The following ZSCAN23 variants were observed in gnomAD, a reference collection of about 807,000 sequenced individuals.
ZSCAN23 encodes the protein zinc finger and SCAN domain-containing protein 23.
A neutral mutation model predicts 19.3 loss-of-function variants in ZSCAN23; 19 were observed. The ratio of observed to expected loss-of-function variants is 0.99; its 90% confidence interval spans 0.69 to 1.45. ZSCAN23 has a LOEUF of 1.45. ZSCAN23 is among the 40% of genes most tolerant of loss of function. ZSCAN23 has a pLI of 0.00. For synonymous variants in ZSCAN23, 140 were observed against 166.2 expected (o/e 0.84, Z 1.21); for missense variants, 372 against 462.5 (o/e 0.80, Z 1.79).
intron 1 of ZSCAN23, among the ~76,000 whole-genome samples, chr6:28,437,674 T>C (rs1194398214): frequency 6.6e-6 from 1 of 152,208 alleles, no homozygotes; most frequent in Non-Finnish European, 1.5e-5. Context: ...AAAACAATTA[T>C]ATGACCCAGT....
Position 28,436,338 on chromosome 6 carries a change from C to T in ZSCAN23, c.-72G>A, listed in dbSNP as rs190761645. On this transcript the variant is annotated 5_prime_UTR_variant, in exon 2 of 4. Transcript: ENST00000289788. ...CCTTGATCTTTTCTTCTGGAAACCC[C>T]GAGATCTAGACAATAATTTACGAAG... 1.4e-5 allele frequency: 19 copies of T among 1,381,896 alleles called. No homozygotes were observed. The highest frequency in any genetic ancestry group is 8.7e-5 in the African/African-American group (6 of 68,666). The allele number at this position is 1,381,896 out of a possible 1,614,324, so 85.6% of individuals were successfully genotyped here. A position where few individuals can be genotyped will look rare whatever the true frequency, so the allele number is the denominator to read the frequency against.
At chr6:28,429,878 G>A (rs1761724829), downstream of ZSCAN23, among the ~76,000 whole-genome samples, 1 of 152,052 alleles carries the variant, frequency 6.6e-6, no homozygotes, top group Non-Finnish European at 1.5e-5. Flanking sequence ...TACACACACA[G>A]TCCCAGGACA....
chr6:28,437,076 G>A (rs956387394), intron 1 of ZSCAN23, among the ~76,000 whole-genome samples: 6 of 152,178 alleles, frequency 3.9e-5, no homozygotes, highest in African/African-American at 1.4e-4. Context: ...CTCCAAAGTG[G>A]TAACACTTAT....
the ZSCAN23 span, among the ~76,000 whole-genome samples, chr6:28,421,724 G>T: frequency 6.6e-6 from 1 of 152,168 alleles, no homozygotes; most frequent in Admixed American, 6.5e-5. Context: ...CCCATGCTGT[G>T]TGCAACTCTA....
At chr6:28,441,947 G>C (rs1394545789) in intron 1 of ZSCAN23, among the ~76,000 whole-genome samples, 1 of 149,514 alleles carries the variant, frequency 6.7e-6, no homozygotes, top group African/African-American at 2.5e-5. Flanking sequence ...TGCGATCTCG[G>C]CTCACTTGCA....
intron 1 of ZSCAN23, among the ~76,000 whole-genome samples, chr6:28,438,962 C>T (rs191231328): frequency 7.5e-4 from 114 of 152,308 alleles, no homozygotes; most frequent in Non-Finnish European, 9.4e-4. Context: ...AGCATCCTTC[C>T]GGATAACCTG....
intron 1 of ZSCAN23, among the ~76,000 whole-genome samples, chr6:28,441,703 T>C (rs934560004): frequency 1.3e-5 from 2 of 151,972 alleles, no homozygotes; most frequent in African/African-American, 4.8e-5. Context: ...TACCCTGAAA[T>C]AAACAGTCTT....
chr6:28,434,101 A>T lies in ZSCAN23; in HGVS notation c.*364T>A. 6.1e-6 allele frequency: 1 copy of T among 164,312 alleles called. No individual in the cohort carries two copies. The highest frequency in any genetic ancestry group is 1.3e-5 in the Non-Finnish European group (1 of 76,266). The allele number at this position is 164,312 out of a possible 1,614,324, so 10.2% of individuals were successfully genotyped here. Reference sequence around the variant, plus strand: ...CAATTATTTTTAAGTTAATTTTTAAATACTCGGTGAACTGCATTTGAGATT... The same window carrying T: ...CAATTATTTTTAAGTTAATTTTTAATTACTCGGTGAACTGCATTTGAGATT... On this transcript the variant is annotated 3_prime_UTR_variant, in exon 4 of 4. Coordinates refer to ENST00000289788, the MANE Select transcript of ZSCAN23 (RefSeq NM_001012455.2).
the ZSCAN23 span, among the ~76,000 whole-genome samples, chr6:28,426,460 C>A: frequency 6.6e-6 from 1 of 152,144 alleles, no homozygotes; most frequent in Admixed American, 6.5e-5. Context: ...AGAACACACA[C>A]CACATTTATC....
chr6:28,435,129 T>C, intron 3 of ZSCAN23, 51 bp from the exon 4 acceptor site: 1 of 1,464,944 alleles, frequency 6.8e-7, no homozygotes, highest in Non-Finnish European at 9.0e-7. Flanking sequence ...AAATAACAGA[T>C]TATCTTTCCA....
chr6:28,441,364 G>A (rs1761996923), intron 1 of ZSCAN23, among the ~76,000 whole-genome samples: 1 of 152,114 alleles, frequency 6.6e-6, no homozygotes, highest in Non-Finnish European at 1.5e-5. Context: ...TATTCCACAA[G>A]CAAAAACTCT....
intron 1 of ZSCAN23, among the ~76,000 whole-genome samples, chr6:28,438,750 G>A (rs1761942226): frequency 6.6e-6 from 1 of 152,134 alleles, no homozygotes; most frequent in Non-Finnish European, 1.5e-5. Flanking sequence ...CTCCTACCGG[G>A]TCCCTCCCAC....
At chr6:28,439,071 G>C (rs1019015683) in intron 1 of ZSCAN23, among the ~76,000 whole-genome samples, 5 of 151,652 alleles carry the variant, frequency 3.3e-5, no homozygotes, top group African/African-American at 1.2e-4. Context: ...TTCCTCTAAA[G>C]ACAGAATCTG....
chr6:28,435,375 C>T (rs894912310), intron 3 of ZSCAN23, 85 bp downstream of exon 3: 90 of 1,458,630 alleles, frequency 6.2e-5, no homozygotes, highest in Non-Finnish European at 8.0e-5. Context: ...CAGTGCCTGG[C>T]ATACAGCAGA....
chr6:28,434,184 C>T lies in ZSCAN23; in HGVS notation c.*281G>A, dbSNP rs2114032161. The T allele has an allele frequency of 3.3e-6, 1 of 306,386 alleles. No homozygotes were observed. The highest frequency in any genetic ancestry group is 1.3e-4 in the South Asian group (1 of 7,676). The allele number at this position is 306,386 out of a possible 1,614,324, so 19.0% of individuals were successfully genotyped here. On this transcript the variant is annotated 3_prime_UTR_variant, in exon 4 of 4. Transcript: ENST00000289788. Reference sequence around the variant, plus strand: ...AACTTTTAAAAAAAGTTTTTAAAAACTAGGATGAAGAAGTTTTCCTGAAAT... The same window carrying T: ...AACTTTTAAAAAAAGTTTTTAAAAATTAGGATGAAGAAGTTTTCCTGAAAT...
downstream of ZSCAN23, among the ~76,000 whole-genome samples, chr6:28,431,183 G>T (rs1761754756): frequency 6.6e-6 from 1 of 152,062 alleles, no homozygotes; most frequent in Admixed American, 6.5e-5. Context: ...ATTACTGGGG[G>T]TTACCAGGCT....
At chr6:28,422,789 G>A in the ZSCAN23 span, among the ~76,000 whole-genome samples, 1 of 152,154 alleles carries the variant, frequency 6.6e-6, no homozygotes, top group Admixed American at 6.5e-5. The surrounding 1 kb of genome is among the most constrained non-coding windows in gnomAD (Gnocchi z 4.0). Flanking sequence ...TAGAGGAACA[G>A]GTTAAAAGTG....
Position 28,434,338 on chromosome 6 carries a change from T to TA in ZSCAN23, c.*126dup. On this transcript the variant is annotated 3_prime_UTR_variant, in exon 4 of 4. Coordinates refer to ENST00000289788, the MANE Select transcript of ZSCAN23 (RefSeq NM_001012455.2). ...GATCAGAGAACTCGGCAGATGTATT[T>TA]AAGATATTATGCTTCTCTCTGCATA... The TA allele has an allele frequency of 9.0e-7, 1 of 1,110,912 alleles. No homozygotes were observed. The highest frequency in any genetic ancestry group is 1.2e-6 in the Non-Finnish European group (1 of 800,790). The allele number at this position is 1,110,912 out of a possible 1,614,324, so 68.8% of individuals were successfully genotyped here.
chr6:28,437,628 C>G (rs544065853), intron 1 of ZSCAN23, among the ~76,000 whole-genome samples: 1 of 152,036 alleles, frequency 6.6e-6, no homozygotes, highest in East Asian at 1.9e-4. Flanking sequence ...CAATCTTTAC[C>G]AGGATAGTAA....
Sources: allele counts gnomAD v4.1 joint callset (sites outside exome capture counted in the v4.1 genomes callset), GRCh38; gene constraint gnomAD v4.1.1; non-coding constraint Gnocchi (gnomAD v3.1); transcripts MANE v1.5; gene names NCBI Gene and HGNC (gene_info 2026-07-23, HGNC 2026-07-21).